NRXN3: variants seen among roughly 807,000 people sequenced by gnomAD.
NRXN3 encodes the protein neurexin III.
A neutral mutation model predicts 137.6 loss-of-function variants in NRXN3; 32 were observed. That is an observed-to-expected ratio of 0.23 (90% CI 0.18 to 0.31). The LOEUF (loss-of-function observed/expected upper bound fraction) is 0.31. Ranked by LOEUF, NRXN3 falls within the 10% of genes least tolerant of loss-of-function variation. NRXN3 has a pLI of 1.00. For synonymous variants in NRXN3, 798 were observed against 784.5 expected (o/e 1.02, Z -0.29); for missense variants, 1,574 against 2,062.5 (o/e 0.76, Z 4.59).
chr14:79,786,652 T>TC (rs2140207291), intron 19 of NRXN3, among the ~76,000 whole-genome samples: 1 of 152,194 alleles, frequency 6.6e-6, no homozygotes, highest in Non-Finnish European at 1.5e-5. Context: ...TTAAATCCTA[T>TC]CCCCCTGCAT....
In NRXN3 at chr14:78,359,683, C is replaced by T. The variant is rs371609775; in HGVS notation, c.757+61823C>T. 2.4e-4 allele frequency among the ~76,000 whole-genome samples: 37 copies of T among 152,236 alleles called. No individual in the cohort carries two copies. The East Asian group carries it at 4.1e-3, about 17-fold the overall frequency. ...GATGCCTTGATAATATTGTACCCTG[C>T]GGTACTTACTTTTCAAGAGACTTTG... On this transcript the variant is annotated intron_variant, in intron 4 of 20. Coordinates refer to ENST00000335750, the MANE Select transcript of NRXN3 (RefSeq NM_001330195.2).
At chr14:78,927,460 G>A (rs143071989) in intron 10 of NRXN3, among the ~76,000 whole-genome samples, 147 of 152,266 alleles carry the variant, frequency 9.7e-4, no homozygotes, top group Admixed American at 2.0e-3. Context: ...GCCTCATAGA[G>A]CACCAGGGAT....
At chr14:79,466,143 C>T (rs1048202595) in intron 15 of NRXN3, among the ~76,000 whole-genome samples, 1 of 152,138 alleles carries the variant, frequency 6.6e-6, no homozygotes, top group Non-Finnish European at 1.5e-5. Context: ...TTGACAACTA[C>T]CACTTGTCAT....
At chr14:78,516,859 A>G (rs1486923308) in intron 4 of NRXN3, among the ~76,000 whole-genome samples, 1 of 152,200 alleles carries the variant, frequency 6.6e-6, no homozygotes, top group Non-Finnish European at 1.5e-5. Context: ...GATCATTAAC[A>G]TTATATACAA....
intron 6 of NRXN3, among the ~76,000 whole-genome samples, chr14:78,701,482 T>C (rs1177030774): frequency 6.6e-6 from 1 of 152,214 alleles, no homozygotes. Context: ...CATGCCTAGA[T>C]AACTGAATGG....
chr14:79,614,976 G>T (rs1323984913), intron 16 of NRXN3, among the ~76,000 whole-genome samples: 1 of 152,192 alleles, frequency 6.6e-6, no homozygotes, highest in Non-Finnish European at 1.5e-5. Context: ...TTAAAACTAG[G>T]CTGGGTCTTC....
chr14:78,322,137 A>C (rs2079452093), intron 4 of NRXN3, among the ~76,000 whole-genome samples: 1 of 151,834 alleles, frequency 6.6e-6, no homozygotes, highest in South Asian at 2.1e-4. Context: ...AAAAAATTTT[A>C]TTGAGCCTTC....
chr14:79,393,639 C>A (rs1479459005), intron 15 of NRXN3, among the ~76,000 whole-genome samples: 1 of 151,936 alleles, frequency 6.6e-6, no homozygotes, highest in Non-Finnish European at 1.5e-5. Context: ...ACGGTGAAAC[C>A]CTGGCTCTAC....
At chr14:79,423,733 A>G (rs959671765) in intron 15 of NRXN3, among the ~76,000 whole-genome samples, 7 of 152,196 alleles carry the variant, frequency 4.6e-5, no homozygotes, top group Non-Finnish European at 1.0e-4. Flanking sequence ...ATCTCATAAT[A>G]AATTGCATTC....
intron 4 of NRXN3, among the ~76,000 whole-genome samples, chr14:78,412,932 T>C (rs1195993544): frequency 1.3e-5 from 2 of 152,214 alleles, no homozygotes; most frequent in Non-Finnish European, 2.9e-5. Context: ...TTGCTTTGCT[T>C]TGCTTGACTA....
intron 15 of NRXN3, among the ~76,000 whole-genome samples, chr14:79,390,861 G>C (rs558027347): frequency 1.3e-5 from 2 of 152,238 alleles, no homozygotes; most frequent in South Asian, 4.2e-4. Context: ...AGGTCATGAG[G>C]GCTCTGCCTT....
At chr14:79,129,240 T>C (rs1015132075) in intron 15 of NRXN3, among the ~76,000 whole-genome samples, 1 of 150,834 alleles carries the variant, frequency 6.6e-6, no homozygotes, top group African/African-American at 2.5e-5. Context: ...TGTTTGCTCT[T>C]GCTTTTCTAG....
At chr14:79,410,453 C>G (rs149308064) in intron 15 of NRXN3, among the ~76,000 whole-genome samples, 76 of 151,226 alleles carry the variant, frequency 5.0e-4, no homozygotes, top group African/African-American at 1.8e-3. Flanking sequence ...TTGTCAATAA[C>G]TATTCCCAGA....
intron 15 of NRXN3, among the ~76,000 whole-genome samples, chr14:79,267,395 A>G (rs907525419): frequency 2.1e-5 from 3 of 146,276 alleles, no homozygotes; most frequent in Non-Finnish European, 3.0e-5. Flanking sequence ...GTCTCTCTCT[A>G]TTTCCCAGGC....
intron 15 of NRXN3, among the ~76,000 whole-genome samples, chr14:79,059,355 T>C (rs2099671230): frequency 6.7e-6 from 1 of 149,012 alleles, no homozygotes; most frequent in African/African-American, 2.5e-5. Context: ...CCTCCCGGGT[T>C]CATGCCATTC....
At chr14:78,738,870 G>A (rs2098552342) in intron 8 of NRXN3, among the ~76,000 whole-genome samples, 1 of 152,168 alleles carries the variant, frequency 6.6e-6, no homozygotes, top group South Asian at 2.1e-4. Flanking sequence ...GTAAAGCCCA[G>A]GCCCAGTGGA....
chr14:79,810,611 A>G (rs2099228673), intron 20 of NRXN3, among the ~76,000 whole-genome samples: 1 of 152,168 alleles, frequency 6.6e-6, no homozygotes, highest in African/African-American at 2.4e-5. Flanking sequence ...TGTTAGCCCT[A>G]CTATAATATA....
chr14:79,749,139 C>T (rs1186289950), intron 19 of NRXN3, among the ~76,000 whole-genome samples: 1 of 152,064 alleles, frequency 6.6e-6, no homozygotes, highest in Non-Finnish European at 1.5e-5. Context: ...CAGCCACCTG[C>T]CTGCTACAAG....
chr14:79,722,533 G>T (rs1414368857), intron 19 of NRXN3, among the ~76,000 whole-genome samples: 1 of 152,026 alleles, frequency 6.6e-6, no homozygotes, highest in African/African-American at 2.4e-5. Flanking sequence ...CCTCTGCTGA[G>T]AACCCACTTT....
Sources: gnomAD v4.1 joint callset for allele counts (sites outside exome capture counted in the v4.1 genomes callset) on GRCh38, gnomAD v4.1.1 for gene constraint, MANE v1.5 for transcripts, NCBI Gene and HGNC (gene_info 2026-07-23, HGNC 2026-07-21) for gene names.